Variants in DLGAP1 observed in about 807,000 individuals in gnomAD.
DLGAP1 encodes disks large-associated protein 1.
A neutral mutation model predicts 90.8 loss-of-function variants in DLGAP1; 11 were observed. The observed-to-expected ratio is 0.12, with a 90% CI of 0.08 to 0.20. The LOEUF (loss-of-function observed/expected upper bound fraction) is 0.20. Among genes scored for constraint, DLGAP1 ranks in the 10% least tolerant of loss-of-function variants. The pLI is 1.00. For synonymous variants in DLGAP1, 558 were observed against 540.7 expected (o/e 1.03, Z -0.44); for missense variants, 1,050 against 1,333.8 (o/e 0.79, Z 3.31).
In DLGAP1 at chr18:3,550,838, C is replaced by A. The variant is rs975469897; in HGVS notation, c.2058-16223G>T. 2.8e-5 allele frequency among the ~76,000 whole-genome samples: 4 copies of A among 144,402 alleles called. No individual in the cohort carries two copies. The Admixed American group carries it at 2.9e-4, about 11-fold the overall frequency. 94.7% of individuals were successfully genotyped at this position (144,402 alleles called of 152,430 possible). On this transcript the variant is annotated intron_variant, in intron 9 of 12. Transcript: ENST00000315677. ...CTCACTACAACTTCTGCCTCCTGGG[C>A]TCAAGTGATTCTACTGCCTCAGTCT...
At chr18:3,807,011 T>C (rs1404248169) in intron 5 of DLGAP1, among the ~76,000 whole-genome samples, 2 of 152,252 alleles carry the variant, frequency 1.3e-5, no homozygotes, top group Non-Finnish European at 2.9e-5. Context: ...CCCTTCTTCC[T>C]GTGTCCTCTG....
At chr18:3,634,089 T>C (rs968980104) in intron 7 of DLGAP1, among the ~76,000 whole-genome samples, 1 of 152,142 alleles carries the variant, frequency 6.6e-6, no homozygotes, top group African/African-American at 2.4e-5. Context: ...AATATCTGAA[T>C]ACACAAGAAT....
intron 3 of DLGAP1, among the ~76,000 whole-genome samples, chr18:3,924,828 T>G (rs928150380): frequency 6.6e-6 from 1 of 152,248 alleles, no homozygotes; most frequent in Non-Finnish European, 1.5e-5. Context: ...TTGTTTGTTT[T>G]GCCCACCTTT....
intron 1 of DLGAP1, among the ~76,000 whole-genome samples, chr18:4,441,131 T>C (rs2083527546): frequency 6.6e-6 from 1 of 152,248 alleles, no homozygotes; most frequent in Admixed American, 6.5e-5. Context: ...TTGCGTTCTC[T>C]AAATTGTGTC....
chr18:3,911,572 T>C (rs1348316192), intron 3 of DLGAP1, among the ~76,000 whole-genome samples: 13 of 152,206 alleles, frequency 8.5e-5, no homozygotes, highest in Non-Finnish European at 1.6e-4. Context: ...ATATATCTCA[T>C]TGTGGGGTGT....
chr18:3,996,236 T>C (rs1225025661), intron 3 of DLGAP1, among the ~76,000 whole-genome samples: 1 of 152,154 alleles, frequency 6.6e-6, no homozygotes, highest in African/African-American at 2.4e-5. Flanking sequence ...ATGTAGAAAT[T>C]CTACTTGCAG....
intron 2 of DLGAP1, among the ~76,000 whole-genome samples, chr18:4,039,985 G>A (rs962961368): frequency 2.6e-5 from 4 of 152,086 alleles, no homozygotes; most frequent in Non-Finnish European, 2.9e-5. Context: ...GCCTTCCTTC[G>A]CTTTAATTCC....
chr18:3,832,862 C>A (rs11662563), intron 4 of DLGAP1, among the ~76,000 whole-genome samples: 1 of 147,612 alleles, frequency 6.8e-6, no homozygotes, highest in African/African-American at 2.5e-5. Flanking sequence ...AGCTTAGGTG[C>A]CCCCCCCATC....
rs549443528 is a variant in DLGAP1 at position 3,798,228 on chromosome 18, G to A, written c.1172+15831C>T. On this transcript the variant is annotated intron_variant, in intron 5 of 12. Coordinates refer to ENST00000315677, the MANE Select transcript of DLGAP1 (RefSeq NM_004746.4). ...AAACCCGAGGTTAATCATTCAACTTGCCAGTGAAACGCTTCCAACAGAGGA... is the reference window on the plus strand; with the variant it reads ...AAACCCGAGGTTAATCATTCAACTTACCAGTGAAACGCTTCCAACAGAGGA... Among the ~76,000 whole-genome samples, 9 of 152,290 alleles carry A rather than the reference G, an allele frequency of 5.9e-5. No individual in the cohort carries two copies. The East Asian group carries it at 1.2e-3, about 20-fold the overall frequency.
At chr18:4,175,921 A>G in intron 1 of DLGAP1, among the ~76,000 whole-genome samples, 1 of 152,096 alleles carries the variant, frequency 6.6e-6, no homozygotes, top group Non-Finnish European at 1.5e-5. Flanking sequence ...GTGTTCTTTG[A>G]TTCCATATGA....
At chr18:3,976,872 C>G (rs2149018696) in intron 3 of DLGAP1, among the ~76,000 whole-genome samples, 1 of 152,206 alleles carries the variant, frequency 6.6e-6, no homozygotes. Flanking sequence ...TAGGTCATAT[C>G]ATTTTTTAAA....
At chr18:3,975,234 C>A (rs1285369342) in intron 3 of DLGAP1, among the ~76,000 whole-genome samples, 1 of 151,992 alleles carries the variant, frequency 6.6e-6, no homozygotes, top group African/African-American at 2.4e-5. Context: ...ATATGCAAAA[C>A]AAACACTTCA....
At chr18:4,362,064 A>G (rs921769279) in intron 1 of DLGAP1, among the ~76,000 whole-genome samples, 2 of 152,224 alleles carry the variant, frequency 1.3e-5, no homozygotes, top group African/African-American at 4.8e-5. Flanking sequence ...GATGGCTACT[A>G]TAAAATAACA....
chr18:4,289,111 T>C (rs1223594001), intron 1 of DLGAP1, among the ~76,000 whole-genome samples: 1 of 152,188 alleles, frequency 6.6e-6, no homozygotes, highest in Non-Finnish European at 1.5e-5. Context: ...TGCCCTGTTC[T>C]GACCTATTTC....
In DLGAP1 at chr18:4,284,275, G is replaced by A. The variant is rs140247914; in HGVS notation, c.-266-132988C>T. 3.6e-3 allele frequency among the ~76,000 whole-genome samples: 541 copies of A among 151,678 alleles called. 11 individuals carry two copies. Among genetic ancestry groups the A allele is most frequent in the Admixed American group, 0.03 (458 of 15,232 alleles). On this transcript the variant is annotated intron_variant, in intron 1 of 12. Coordinates refer to ENST00000315677, the MANE Select transcript of DLGAP1 (RefSeq NM_004746.4). ...CTTTCAGCAGCAGAGGTATAATGTC[G>A]GCTCTTCCTTGAGGTAAACAGGCCC...
At chr18:4,318,422 T>C (rs140633863) in intron 1 of DLGAP1, among the ~76,000 whole-genome samples, 163 of 152,306 alleles carry the variant, frequency 1.1e-3, no homozygotes, top group African/African-American at 3.6e-3. Context: ...ATCTGAAAGT[T>C]GTAACATGAT....
chr18:4,007,889 T>C (rs886174575), intron 2 of DLGAP1, among the ~76,000 whole-genome samples: 1 of 152,224 alleles, frequency 6.6e-6, no homozygotes, highest in Non-Finnish European at 1.5e-5. Flanking sequence ...TCTTGAGATT[T>C]CTTTCTATTA....
At chr18:4,333,630 T>C (rs2143757704) in intron 1 of DLGAP1, among the ~76,000 whole-genome samples, 1 of 150,090 alleles carries the variant, frequency 6.7e-6, no homozygotes, top group South Asian at 2.1e-4. Context: ...ATAATTTTTT[T>C]TTTTTTTGAA....
At chr18:4,359,463 C>T (rs62085629) in intron 1 of DLGAP1, among the ~76,000 whole-genome samples, 7,962 of 152,268 alleles carry the variant, frequency 0.052, 256 homozygotes, top group South Asian at 0.12. Flanking sequence ...TCCAGTCATA[C>T]TTCTTCACAA....
Sources: gnomAD v4.1 joint callset for allele counts (sites outside exome capture counted in the v4.1 genomes callset) on GRCh38, gnomAD v4.1.1 for gene constraint, MANE v1.5 for transcripts, NCBI Gene and HGNC (gene_info 2026-07-23, HGNC 2026-07-21) for gene names.